The following TOGARAM1 variants were observed in gnomAD, a reference collection of about 807,000 sequenced individuals.
TOGARAM1 encodes TOG array regulator of axonemal microtubules protein 1.
A neutral mutation model predicts 166.6 loss-of-function variants in TOGARAM1; 100 were observed. That is an observed-to-expected ratio of 0.60 (90% CI 0.51 to 0.71). The LOEUF is 0.71. Among genes scored for constraint, TOGARAM1 ranks in the 30% least tolerant of loss-of-function variants. The pLI is 0.00. For missense variants in TOGARAM1, 2,029 were observed against 2,102.7 expected (o/e 0.96, Z 0.69); for synonymous variants, 758 against 763.8 (o/e 0.99, Z 0.13).
chr14:44,997,364 C>A (rs1387049094), intron 2 of TOGARAM1: 1 of 141,380 alleles, frequency 7.1e-6, no homozygotes, highest in Non-Finnish European at 1.5e-5. Flanking sequence ...CAAGATCGCA[C>A]CACTGCACTC....
intron 7 of TOGARAM1, among the ~76,000 whole-genome samples, chr14:45,015,843 C>T (rs1026863596): frequency 2.0e-5 from 3 of 152,116 alleles, no homozygotes; most frequent in African/African-American, 7.2e-5. Context: ...ACTGCCTCAT[C>T]AGTGAAGCCA....
chr14:45,026,193 A>G (rs1387239058), intron 8 of TOGARAM1, among the ~76,000 whole-genome samples: 3 of 152,188 alleles, frequency 2.0e-5, no homozygotes, highest in African/African-American at 7.2e-5. Flanking sequence ...GCCCTTATTT[A>G]TCAGCGTAAT....
chr14:45,000,027 CT>C (rs1427062256), intron 3 of TOGARAM1, among the ~76,000 whole-genome samples: 1 of 152,116 alleles, frequency 6.6e-6, no homozygotes, highest in Non-Finnish European at 1.5e-5. Flanking sequence ...GAGTCTTGCT[CT>C]GTCGCCCAGG....
intron 1 of TOGARAM1, among the ~76,000 whole-genome samples, chr14:44,974,309 C>G (rs1418979109): frequency 2.6e-5 from 4 of 151,972 alleles, no homozygotes; most frequent in Non-Finnish European, 4.4e-5. Flanking sequence ...TAAAGGCATT[C>G]TTTCTTTCTG....
intron 3 of TOGARAM1, among the ~76,000 whole-genome samples, chr14:45,003,859 T>G (rs1227911065): frequency 7.5e-6 from 1 of 132,778 alleles, no homozygotes; most frequent in African/African-American, 3.0e-5. Context: ...GTACAATATT[T>G]TAATGGGATA....
chr14:45,050,324 C>T lies in TOGARAM1; in HGVS notation c.4314-2112C>T, dbSNP rs117426814. Among the ~76,000 whole-genome samples the T allele has an allele frequency of 3.5e-4, 53 of 152,260 alleles. No homozygotes were observed. In the East Asian group the frequency reaches 9.7e-3, roughly 28 times the overall value. On this transcript the variant is annotated intron_variant, in intron 14 of 19. Transcript: ENST00000361462. ...CTGGAGTACAGTGGTATAATCTCGG[C>T]TCACTGCTACCTCCGCCTCCTGAGC... is the stretch of plus-strand genomic sequence containing the variant.
At chr14:45,072,694 G>C (rs938045589) in intron 19 of TOGARAM1, among the ~76,000 whole-genome samples, 5 of 152,066 alleles carry the variant, frequency 3.3e-5, no homozygotes, top group African/African-American at 1.2e-4. Context: ...CAAAGTGCTA[G>C]AATTTCAGGC....
intron 1 of TOGARAM1, among the ~76,000 whole-genome samples, chr14:44,990,699 TC>T (rs1439713483): frequency 2.0e-5 from 3 of 152,176 alleles, no homozygotes; most frequent in African/African-American, 4.8e-5. Flanking sequence ...AGCTAAATAG[TC>T]TGTATTTTGT....
intron 11 of TOGARAM1, among the ~76,000 whole-genome samples, chr14:45,035,574 ACAC>A (rs1032566923): frequency 6.6e-6 from 1 of 152,164 alleles, no homozygotes; most frequent in Non-Finnish European, 1.5e-5. Flanking sequence ...AGTTCAGTGA[ACAC>A]CAAACACAAG....
At chr14:45,071,682 A>C (rs779746900) in intron 18 of TOGARAM1, 30 bp from the exon 19 acceptor site, 1 of 1,504,924 alleles carries the variant, frequency 6.6e-7, no homozygotes, top group East Asian at 2.3e-5. Context: ...TTACTCTTTA[A>C]ACATGTGTCT....
In TOGARAM1 at chr14:45,032,220, T is replaced by C. The variant is rs1872550411; in HGVS notation, c.3659-3T>C. 1.3e-6 allele frequency: 2 copies of C among 1,595,890 alleles called. No individual in the cohort carries two copies. Among genetic ancestry groups the C allele is most frequent in the Non-Finnish European group, 1.7e-6 (2 of 1,175,772 alleles). ...ATAGTTTATTTAATGTATTTTGTTT[T>C]AGGTGAAACACCTACTGGAGCTATT... On this transcript the variant is annotated splice_polypyrimidine_tract_variant and splice_region_variant and intron_variant, in intron 10 of 19. Coordinates refer to ENST00000361462, the MANE Select transcript of TOGARAM1 (RefSeq NM_001308120.2).
At chr14:45,072,985 AG>A (rs2139015188) in intron 19 of TOGARAM1, among the ~76,000 whole-genome samples, 1 of 152,336 alleles carries the variant, frequency 6.6e-6, no homozygotes. Flanking sequence ...GTTTGATAAA[AG>A]GTCCATGGGT....
chr14:45,047,768 A>G (rs184182849), intron 14 of TOGARAM1, among the ~76,000 whole-genome samples: 1 of 152,066 alleles, frequency 6.6e-6, no homozygotes, highest in Admixed American at 6.6e-5. Flanking sequence ...TATAGTAATG[A>G]TATATGGCCG....
At chr14:45,052,705 C>A in intron 15 of TOGARAM1, 143 bp downstream of exon 15, 1 of 686,748 alleles carries the variant, frequency 1.5e-6, no homozygotes, top group Non-Finnish European at 2.3e-6. Context: ...AATAGCATTT[C>A]AACAATTACA....
At position 45,004,381 on chromosome 14, in the gene TOGARAM1, T is replaced by A; in HGVS notation, c.2644+15T>A. 6.2e-7 allele frequency: 1 copy of A among 1,602,540 alleles called. No individual in the cohort carries two copies. The highest frequency in any genetic ancestry group is 8.5e-7 in the Non-Finnish European group (1 of 1,174,498). On this transcript the variant is annotated intron_variant, in intron 4 of 19. Coordinates refer to ENST00000361462, the MANE Select transcript of TOGARAM1 (RefSeq NM_001308120.2). ...TAGAAATCATGGTAAAAGTCAATAC[T>A]TTGTTCAAATTTATTTGTGTTTGAA...
At chr14:44,965,869 A>ATTTTTTTTTT (rs747983176) in intron 1 of TOGARAM1, among the ~76,000 whole-genome samples, 1 of 120,498 alleles carries the variant, frequency 8.3e-6, no homozygotes, top group African/African-American at 3.3e-5. Flanking sequence ...ACAAATAGTA[A>ATTTTTTTTTT]TTTTTTTTTT....
chr14:45,033,489 T>C (rs896259359), intron 11 of TOGARAM1, among the ~76,000 whole-genome samples: 2 of 152,192 alleles, frequency 1.3e-5, no homozygotes, highest in Non-Finnish European at 2.9e-5. Flanking sequence ...TGTGTTTCTA[T>C]AAAACTTTAC....
chr14:45,057,932 G>T (rs991627590), intron 16 of TOGARAM1, among the ~76,000 whole-genome samples: 1 of 152,188 alleles, frequency 6.6e-6, no homozygotes, highest in African/African-American at 2.4e-5. Context: ...GGGGTCAAAT[G>T]TTCTGTAAAT....
At chr14:45,072,625 A>G (rs1342374019) in intron 19 of TOGARAM1, among the ~76,000 whole-genome samples, 2 of 151,976 alleles carry the variant, frequency 1.3e-5, no homozygotes, top group Admixed American at 6.6e-5. Context: ...GGGCTTCACC[A>G]TGTTGGCCAG....
Sources: allele counts gnomAD v4.1 joint callset (sites outside exome capture counted in the v4.1 genomes callset), GRCh38; gene constraint gnomAD v4.1.1; transcripts MANE v1.5; gene names NCBI Gene and HGNC (gene_info 2026-07-23, HGNC 2026-07-21).